Variants in SLCO3A1 observed in about 807,000 individuals in gnomAD.
SLCO3A1 encodes the protein solute carrier organic anion transporter family member 3A1, also known as PGE1 transporter.
Under a neutral mutation model 63.1 loss-of-function variants are expected in SLCO3A1, and 27 were observed. That is an observed-to-expected ratio of 0.43 (90% CI 0.32 to 0.59). The LOEUF (loss-of-function observed/expected upper bound fraction) is 0.59. Ranked by LOEUF, SLCO3A1 falls within the 20% of genes least tolerant of loss-of-function variation. SLCO3A1 has a pLI of 0.09. For missense variants in SLCO3A1, 773 were observed against 945.8 expected, an observed-to-expected ratio of 0.82 and a Z score of 2.40; for synonymous variants, 473 against 409.9, an observed-to-expected ratio of 1.15 and a Z score of -1.86.
chr15:92,049,992 A>C (rs1037044323), intron 2 of SLCO3A1, among the ~76,000 whole-genome samples: 11 of 152,182 alleles, frequency 7.2e-5, no homozygotes, highest in African/African-American at 2.7e-4. Context: ...GCTTAAAATG[A>C]ATCCAGCAGG....
At chr15:91,986,247 G>A (rs963487362) in intron 2 of SLCO3A1, among the ~76,000 whole-genome samples, 9 of 152,186 alleles carry the variant, frequency 5.9e-5, no homozygotes, top group African/African-American at 2.2e-4. Flanking sequence ...CTGAGCCTGG[G>A]TCAGGGGGTA....
At chr15:92,065,630 C>G (rs1282918961) in intron 2 of SLCO3A1, among the ~76,000 whole-genome samples, 1 of 152,128 alleles carries the variant, frequency 6.6e-6, no homozygotes, top group Non-Finnish European at 1.5e-5. Flanking sequence ...CAAGTGGCCC[C>G]TATTTCCTGC....
intron 1 of SLCO3A1, among the ~76,000 whole-genome samples, chr15:91,903,606 T>C (rs900828236): frequency 1.3e-5 from 2 of 152,228 alleles, no homozygotes. Context: ...GATTGGTGCC[T>C]TTTCCTCCAG....
chr15:92,146,477 G>C lies in SLCO3A1; in HGVS notation c.1513-507G>C, dbSNP rs552568796. Among the ~76,000 whole-genome samples the C allele has an allele frequency of 2.0e-5, 3 of 152,348 alleles. No individual in the cohort carries two copies. In the East Asian group the frequency reaches 5.8e-4, roughly 29 times the overall value. ...CAGCTGTCCCTCGCCCAGCCTTGCA[G>C]ACGCGGTGACTTCACGCGTGACAGC... is the stretch of plus-strand genomic sequence containing the variant. On this transcript the variant is annotated intron_variant, in intron 7 of 9. Transcript: ENST00000318445.
At chr15:91,921,527 T>C (rs1898844452) in intron 2 of SLCO3A1, among the ~76,000 whole-genome samples, 1 of 152,138 alleles carries the variant, frequency 6.6e-6, no homozygotes, top group Non-Finnish European at 1.5e-5. Flanking sequence ...CTCTAAGTAC[T>C]TGAGGAATTG....
chr15:92,004,169 G>A (rs1368530697), intron 2 of SLCO3A1, among the ~76,000 whole-genome samples: 1 of 152,182 alleles, frequency 6.6e-6, no homozygotes, highest in Non-Finnish European at 1.5e-5. Context: ...CTAAATCACA[G>A]GAAAGGTGGA....
Position 91,865,260 on chromosome 15 carries a change from C to A in SLCO3A1, c.180+11172C>A, listed in dbSNP as rs1478945880. ...TTTTCCTTTTGTAGAGTTCGTAGGACAGTAGGATTATTCCCTAACATTTTC... is the reference window on the plus strand; with the variant it reads ...TTTTCCTTTTGTAGAGTTCGTAGGAAAGTAGGATTATTCCCTAACATTTTC... On this transcript the variant is annotated intron_variant, in intron 1 of 9. Coordinates refer to ENST00000318445, the MANE Select transcript of SLCO3A1 (RefSeq NM_013272.4). The surrounding 1 kb of genome is among the most constrained non-coding windows in gnomAD (Gnocchi z 4.6). Among the ~76,000 whole-genome samples the A allele has an allele frequency of 1.3e-5, 2 of 152,202 alleles. No individual in the cohort carries two copies. Among genetic ancestry groups the A allele is most frequent in the African/African-American group, 4.8e-5 (2 of 41,446 alleles).
intron 1 of SLCO3A1, among the ~76,000 whole-genome samples, chr15:91,871,744 T>A (rs1025525866): frequency 9.5e-5 from 14 of 147,236 alleles, no homozygotes; most frequent in African/African-American, 2.3e-4. Flanking sequence ...CACTGGGGTG[T>A]GCTCATTTTG....
At chr15:91,892,068 G>A (rs1241614845) in intron 1 of SLCO3A1, among the ~76,000 whole-genome samples, 2 of 152,180 alleles carry the variant, frequency 1.3e-5, no homozygotes, top group African/African-American at 4.8e-5. Flanking sequence ...GAAAGGACAG[G>A]CTGCCCCCTC....
intron 9 of SLCO3A1, among the ~76,000 whole-genome samples, chr15:92,152,089 TTTTCCATTTTATCA>T (rs1596150461): frequency 6.6e-6 from 1 of 152,244 alleles, no homozygotes; most frequent in East Asian, 1.9e-4. Context: ...TTTGCAATAT[TTTTCCATTTTATCA>T]GAAGAGTATC....
chr15:91,984,351 G>A (rs1333138295), intron 2 of SLCO3A1, among the ~76,000 whole-genome samples: 1 of 152,214 alleles, frequency 6.6e-6, no homozygotes, highest in African/African-American at 2.4e-5. Context: ...ATTTCCTGGT[G>A]ATTCCATCAT....
chr15:91,917,670 G>T (rs1898707800), intron 2 of SLCO3A1, among the ~76,000 whole-genome samples: 1 of 152,224 alleles, frequency 6.6e-6, no homozygotes, highest in South Asian at 2.1e-4. Flanking sequence ...AGAGAAAACG[G>T]CTCAGGCCAG....
rs1393371384 is a variant in SLCO3A1 at position 91,948,426 on chromosome 15, G to C, written c.646+31968G>C. Among the ~76,000 whole-genome samples the C allele has an allele frequency of 6.6e-6, 1 of 152,208 alleles. No individual in the cohort carries two copies. The highest frequency in any genetic ancestry group is 1.5e-5 in the Non-Finnish European group (1 of 68,034). On this transcript the variant is annotated intron_variant, in intron 2 of 9. Transcript: ENST00000318445. The surrounding 1 kb of genome is among the most constrained non-coding windows in gnomAD (Gnocchi z 4.8). ...CCTATTCCTGCAGATAAGCCTACAG[G>C]CTCTGTAGGAGTGCCGGCATGCACA...
rs1899668349 is a variant in SLCO3A1, at chr15:91,942,787, C to T, written c.646+26329C>T. ...ATGTTGGCCAGCCTGGTCTCAAATT[C>T]CTGACCTAAAGTGATCAGGTCACTG... On this transcript the variant is annotated intron_variant, in intron 2 of 9. Coordinates refer to ENST00000318445, the MANE Select transcript of SLCO3A1 (RefSeq NM_013272.4). The surrounding 1 kb of genome is among the most constrained non-coding windows in gnomAD (Gnocchi z 4.1). Among the ~76,000 whole-genome samples the T allele has an allele frequency of 6.6e-6, 1 of 152,090 alleles. No individual in the cohort carries two copies. Among genetic ancestry groups the T allele is most frequent in the South Asian group, 2.1e-4 (1 of 4,820 alleles).
chr15:92,142,050 C>T (rs560441867), intron 7 of SLCO3A1, among the ~76,000 whole-genome samples: 4 of 152,324 alleles, frequency 2.6e-5, no homozygotes, highest in Admixed American at 1.3e-4. Context: ...TCCTACCCAG[C>T]CTCTCTCACA....
chr15:91,889,276 C>G (rs372152617), intron 1 of SLCO3A1: 3 of 610,758 alleles, frequency 4.9e-6, no homozygotes, highest in Admixed American at 2.4e-5. Context: ...ATTTGCAACA[C>G]TTTATGGGCT....
intron 1 of SLCO3A1, among the ~76,000 whole-genome samples, chr15:91,873,563 CACATACAT>C (rs1260068644): frequency 1.4e-5 from 2 of 146,326 alleles, no homozygotes; most frequent in African/African-American, 5.2e-5. Context: ...CACACACACA[CACATACAT>C]ACATACATAC....
rs144483013 is a variant in SLCO3A1 at position 92,105,444 on chromosome 15, G to GA, written c.1009+910dup. Among the ~76,000 whole-genome samples, 998 of 151,930 alleles carry GA rather than the reference G, an allele frequency of 6.6e-3. 11 individuals carry two copies. Among genetic ancestry groups the GA allele is most frequent in the African/African-American group, 0.023 (957 of 41,476 alleles). On this transcript the variant is annotated intron_variant, in intron 4 of 9. Coordinates refer to ENST00000318445, the MANE Select transcript of SLCO3A1 (RefSeq NM_013272.4). ...AAAGCTCTTGCTATCATTTTTTAAA[G>GA]AAAAAAAAGTGCAACTTTTCTGACA...
At position 91,865,746 on chromosome 15, in the gene SLCO3A1, A is replaced by T. The variant is rs1897150126; in HGVS notation, c.180+11658A>T. ...CATTGGATTAGGGCTCACCCTAATG[A>T]CCTCATGTGACTAGCTTACATCTGC... On this transcript the variant is annotated intron_variant, in intron 1 of 9. Coordinates refer to ENST00000318445, the MANE Select transcript of SLCO3A1 (RefSeq NM_013272.4). The surrounding 1 kb of genome is among the most constrained non-coding windows in gnomAD (Gnocchi z 4.6). Among the ~76,000 whole-genome samples, 2 of 152,158 alleles carry T rather than the reference A, an allele frequency of 1.3e-5. No individual in the cohort carries two copies. The highest frequency in any genetic ancestry group is 4.8e-5 in the African/African-American group (2 of 41,430).
Sources: gnomAD v4.1 joint callset for allele counts (sites outside exome capture counted in the v4.1 genomes callset) on GRCh38, gnomAD v4.1.1 for gene constraint, Gnocchi (gnomAD v3.1) non-coding constraint, MANE v1.5 for transcripts, NCBI Gene and HGNC (gene_info 2026-07-23, HGNC 2026-07-21) for gene names.